The following BPHL variants were observed in gnomAD, a reference collection of about 807,000 sequenced individuals.
The protein encoded by BPHL is serine hydrolase BPHL.
BPHL carries 27 observed loss-of-function variants against 31.2 expected under a neutral mutation model. The ratio of observed to expected loss-of-function variants is 0.87; its 90% CI spans 0.64 to 1.19. BPHL has a LOEUF of 1.19. Ranked by LOEUF, BPHL falls within the 50% of genes most tolerant of loss-of-function variation. The pLI, the probability that BPHL is intolerant of heterozygous loss-of-function variation, is 0.00. For missense variants in BPHL, 356 were observed against 375.7 expected (o/e 0.95, Z 0.43); for synonymous variants, 150 against 146.8 (o/e 1.02, Z -0.16).
In BPHL at chr6:3,140,472, C is replaced by T; in HGVS notation, c.751C>T (p.His251Tyr). 6.2e-7 allele frequency: 1 copy of T among 1,614,194 alleles called. No homozygotes were observed. The highest frequency in any genetic ancestry group is 8.5e-7 in the Non-Finnish European group (1 of 1,180,042). ...GEKDPLVPRF[H>Y]ADFIHKHVKG... ...GAAGGATCCTCTGGTCCCACGGTTT[C>T]ATGCCGACTTCATTCATAAGCACGT... is the stretch of plus-strand genomic sequence containing the variant. The change falls in exon 6 of 7, where the codon CAT becomes TAT. Residue 251 changes from histidine (H) to tyrosine (Y), a missense_variant. Physicochemically the swap from His to Tyr is moderately conservative, Grantham distance 83. Coordinates refer to ENST00000380379, the MANE Select transcript of BPHL (RefSeq NM_004332.4). This position sits in a 1 kb window ranked among gnomAD's most constrained non-coding sequence, Gnocchi z 5.2.
At chr6:3,121,368 C>T (rs746858349) in intron 1 of BPHL, among the ~76,000 whole-genome samples, 7 of 134,440 alleles carry the variant, frequency 5.2e-5, no homozygotes, top group South Asian at 2.4e-4. Context: ...GGCACGATCT[C>T]GGCTCACTGT....
intron 4 of BPHL, 40 bp downstream of exon 4, chr6:3,129,238 T>G (rs1761801978): frequency 6.6e-7 from 1 of 1,513,582 alleles, no homozygotes; most frequent in Non-Finnish European, 8.8e-7. Flanking sequence ...CGGCAGATCC[T>G]TCCCCTCTCT....
At chr6:3,136,288 C>T (rs1762016807) in intron 4 of BPHL, among the ~76,000 whole-genome samples, 1 of 152,236 alleles carries the variant, frequency 6.6e-6, no homozygotes, top group Non-Finnish European at 1.5e-5. Flanking sequence ...ATGTTTTCTT[C>T]TTCCTACATC....
intron 6 of BPHL, among the ~76,000 whole-genome samples, chr6:3,141,399 G>A (rs1333990951): frequency 6.6e-6 from 1 of 152,144 alleles, no homozygotes; most frequent in Non-Finnish European, 1.5e-5. Context: ...TCGGAGTCTC[G>A]CACTGTCACC....
At chr6:3,122,978 G>A (rs1364887086) in intron 1 of BPHL, among the ~76,000 whole-genome samples, 1 of 152,204 alleles carries the variant, frequency 6.6e-6, no homozygotes, top group East Asian at 1.9e-4. Context: ...CAGGGTCTCT[G>A]CCCCTGATGT....
At chr6:3,139,525 G>A (rs1221769038) in intron 5 of BPHL, 1 of 152,282 alleles carries the variant, frequency 6.6e-6, no homozygotes, top group East Asian at 1.9e-4. Flanking sequence ...CTGAAGAGGA[G>A]GGAAAGGCCT....
chr6:3,123,837 CTGA>C, intron 2 of BPHL, 77 bp downstream of exon 2: 1 of 1,136,806 alleles, frequency 8.8e-7, no homozygotes, highest in Non-Finnish European at 1.3e-6. Flanking sequence ...ATGCCAAATA[CTGA>C]TGATTAATTT....
At chr6:3,143,647 C>T (rs1429185486) in intron 6 of BPHL, among the ~76,000 whole-genome samples, 1 of 152,220 alleles carries the variant, frequency 6.6e-6, no homozygotes, top group Non-Finnish European at 1.5e-5. Context: ...CACATTTCCT[C>T]CTATAAGTAC....
intron 6 of BPHL, among the ~76,000 whole-genome samples, chr6:3,146,468 T>C (rs1356395737): frequency 2.2e-5 from 3 of 133,416 alleles, no homozygotes; most frequent in African/African-American, 6.1e-5. Context: ...TGGTTCGGGT[T>C]GGAGTGCTGG....
At chr6:3,127,965 C>T (rs1254492236) in intron 3 of BPHL, among the ~76,000 whole-genome samples, 1 of 152,120 alleles carries the variant, frequency 6.6e-6, no homozygotes, top group African/African-American at 2.4e-5. Flanking sequence ...GGATTACAGG[C>T]ACATGCCACT....
At chr6:3,124,049 T>C (rs900212587) in intron 2 of BPHL, 1 of 219,418 alleles carries the variant, frequency 4.6e-6, no homozygotes, top group African/African-American at 2.3e-5. Context: ...GAAAGGGGTG[T>C]GGGAAGAAGG....
chr6:3,153,537 T>C lies in BPHL; in HGVS notation c.*962T>C, dbSNP rs1231388824. 2.2e-6 allele frequency: 1 copy of C among 449,150 alleles called. No homozygotes were observed. The highest frequency in any genetic ancestry group is 2.0e-5 in the African/African-American group (1 of 50,784). 27.8% of individuals were successfully genotyped at this position (449,150 alleles called of 1,614,324 possible). On this transcript the variant is annotated 3_prime_UTR_variant, in exon 7 of 7. Transcript: ENST00000380379. ...AATTAAAACACTAAAGCAGAAATCCTACATTGCTATTAAAATTAAACTTTG... is the reference window on the plus strand; with the variant it reads ...AATTAAAACACTAAAGCAGAAATCCCACATTGCTATTAAAATTAAACTTTG...
At position 3,153,538 on chromosome 6, in the gene BPHL, A is replaced by G. The variant is rs912520737; in HGVS notation, c.*963A>G. The G allele has an allele frequency of 4.9e-5, 22 of 450,332 alleles. No homozygotes were observed. The highest frequency in any genetic ancestry group is 4.1e-4 in the African/African-American group (21 of 50,802). 27.9% of individuals were successfully genotyped at this position (450,332 alleles called of 1,614,324 possible). Reference sequence around the variant, plus strand: ...ATTAAAACACTAAAGCAGAAATCCTACATTGCTATTAAAATTAAACTTTGA... The same window carrying G: ...ATTAAAACACTAAAGCAGAAATCCTGCATTGCTATTAAAATTAAACTTTGA... On this transcript the variant is annotated 3_prime_UTR_variant, in exon 7 of 7. Coordinates refer to ENST00000380379, the MANE Select transcript of BPHL (RefSeq NM_004332.4).
chr6:3,128,839 G>A (rs528125150), intron 3 of BPHL, among the ~76,000 whole-genome samples: 7 of 152,248 alleles, frequency 4.6e-5, no homozygotes, highest in South Asian at 2.1e-4. Context: ...AACCCATACC[G>A]TATGCTCAGG....
chr6:3,148,810 A>G (rs961080906), intron 6 of BPHL, among the ~76,000 whole-genome samples: 3 of 152,244 alleles, frequency 2.0e-5, no homozygotes, highest in Admixed American at 2.0e-4. Flanking sequence ...ACCTTTCCAG[A>G]CAAATCTTAC....
At chr6:3,122,770 CAG>C (rs770264273) in intron 1 of BPHL, among the ~76,000 whole-genome samples, 2 of 152,214 alleles carry the variant, frequency 1.3e-5, no homozygotes, top group Non-Finnish European at 2.9e-5. Flanking sequence ...TCTTAAAAAA[CAG>C]TAGGATTTAT....
Position 3,129,176 on chromosome 6 carries a change from C to A in BPHL, c.510C>A (p.Asp170Glu). 6.2e-7 allele frequency: 1 copy of A among 1,600,392 alleles called. No homozygotes were observed. Among genetic ancestry groups the A allele is most frequent in the Middle Eastern group, 1.7e-4 (1 of 5,944 alleles). The change falls in exon 4 of 7, where the codon GAC becomes GAA. Residue 170 changes from aspartate (D) to glutamate (E), a missense_variant. By Grantham distance (45) the Asp-to-Glu change is conservative. Transcript: ENST00000380379. ...VIWGANAYVT[D>E]EDSMIYEGIR... is the part of the protein sequence containing the mutation. ...GGGGCGCCAACGCCTACGTCACTGA[C>A]GAAGACAGCATGATATATGAGGGTA... is the stretch of plus-strand genomic sequence containing the variant.
Position 3,149,694 on chromosome 6 carries a change from G to A in BPHL, c.789-2794G>A, listed in dbSNP as rs747327145. On this transcript the variant is annotated intron_variant, in intron 6 of 6. Transcript: ENST00000380379. This position sits in a 1 kb window ranked among gnomAD's most constrained non-coding sequence, Gnocchi z 4.6. ...ATTGCCCGGGCTGGAGTGCAGTGGC[G>A]GGATCTCGGCTCACTGCAACCTCCG... Among the ~76,000 whole-genome samples, 24 of 152,116 alleles carry A rather than the reference G, an allele frequency of 1.6e-4. No individual in the cohort carries two copies. The highest frequency in any genetic ancestry group is 5.3e-4 in the African/African-American group (22 of 41,414).
At position 3,127,228 on chromosome 6, in the gene BPHL, G is replaced by A. The variant is rs756868378; in HGVS notation, c.212-14G>A. On this transcript the variant is annotated splice_polypyrimidine_tract_variant and intron_variant, in intron 2 of 6. Transcript: ENST00000380379. ...AAAGCGATCACCTGAGGGTAACCAA[G>A]TGGCTGTTTTTAGGAAGTGGAGAGA... The A allele has an allele frequency of 4.6e-6, 7 of 1,508,148 alleles. No individual in the cohort carries two copies. The South Asian group carries it at 7.8e-5, about 17-fold the overall frequency. The allele number at this position is 1,508,148 out of a possible 1,614,324, so 93.4% of individuals were successfully genotyped here.
Sources: allele counts gnomAD v4.1 joint callset (sites outside exome capture counted in the v4.1 genomes callset), GRCh38; gene constraint gnomAD v4.1.1; non-coding constraint Gnocchi (gnomAD v3.1); transcripts MANE v1.5; gene names NCBI Gene and HGNC (gene_info 2026-07-23, HGNC 2026-07-21).